The following GABRG3 variants were observed in gnomAD, a reference collection of about 807,000 sequenced individuals.
The protein encoded by GABRG3 is gamma-aminobutyric acid receptor subunit gamma-3.
In GABRG3, 25 loss-of-function variants were observed where a neutral mutation model predicts 48.8. The ratio of observed to expected loss-of-function variants is 0.51; its 90% CI spans 0.37 to 0.72. The LOEUF (loss-of-function observed/expected upper bound fraction) is 0.72, where lower values mean the gene tolerates loss of function less well. Among genes scored for constraint, GABRG3 ranks in the 30% least tolerant of loss-of-function variants. GABRG3 has a pLI of 0.00. For missense variants in GABRG3, 394 were observed against 577.9 expected (o/e 0.68, Z 3.26); for synonymous variants, 227 against 217.6 (o/e 1.04, Z -0.38).
chr15:26,980,681 CAAAAAAAAAAAAAA>C (rs67711680), intron 2 of GABRG3, among the ~76,000 whole-genome samples: 1 of 124,016 alleles, frequency 8.1e-6, no homozygotes. Flanking sequence ...TCCTCTGTCT[CAAAAAAAAAAAAAA>C]AAAAAAAAAA....
chr15:27,520,116 C>T lies in GABRG3; in HGVS notation c.857C>T (p.Thr286Ile). The T allele has an allele frequency of 6.2e-7, 1 of 1,600,752 alleles. No individual in the cohort carries two copies. The highest frequency in any genetic ancestry group is 8.5e-7 in the Non-Finnish European group (1 of 1,173,976). Residue 286 changes from threonine to isoleucine, a missense_variant, in exon 7 of 10, where the codon ACA becomes ATA. By Grantham distance (89) the Thr-to-Ile change is moderately conservative (BLOSUM62 -1). Around this residue, in one of 3 missense-constraint regions of GABRG3, gnomAD observed 50 missense variants for 112.5 expected, o/e 0.44. Transcript: ENST00000615808. ...AAAAAAGATGCTACGCCAGCAAGAA[C>T]AGCATTAGGTGAGTTTCAAAAAATC... ...WIKKDATPAR[T>I]ALGITTVLTM...
At chr15:27,136,045 G>A (rs1423592772) in intron 3 of GABRG3, among the ~76,000 whole-genome samples, 1 of 152,224 alleles carries the variant, frequency 6.6e-6, no homozygotes, top group Admixed American at 6.5e-5. Flanking sequence ...GCTGTGAAGA[G>A]CTGACAGCAC....
At chr15:27,031,846 A>C (rs543424158) in intron 3 of GABRG3, among the ~76,000 whole-genome samples, 3 of 152,308 alleles carry the variant, frequency 2.0e-5, no homozygotes, top group Admixed American at 1.3e-4. Flanking sequence ...TAAGCTCAGG[A>C]AAGTTTAAAA....
intron 2 of GABRG3, among the ~76,000 whole-genome samples, chr15:26,979,164 T>C (rs562821207): frequency 1.3e-5 from 2 of 152,344 alleles, no homozygotes; most frequent in East Asian, 3.9e-4. Context: ...CAATTGATTT[T>C]GGTATGTTGA....
chr15:27,284,508 A>ACT (rs1008397667), intron 3 of GABRG3, among the ~76,000 whole-genome samples: 2 of 152,040 alleles, frequency 1.3e-5, no homozygotes, highest in African/African-American at 4.8e-5. Context: ...TGTCTCACAC[A>ACT]CTCTCTCTCT....
chr15:27,290,003 G>A (rs1335362047), intron 3 of GABRG3, among the ~76,000 whole-genome samples: 1 of 152,074 alleles, frequency 6.6e-6, no homozygotes, highest in South Asian at 2.1e-4. Context: ...CTTGGAGAAA[G>A]AGCTGATTCT....
At chr15:27,480,619 T>C in intron 5 of GABRG3, 31 bp from the exon 6 acceptor site, 1 of 1,553,082 alleles carries the variant, frequency 6.4e-7, no homozygotes, top group Non-Finnish European at 8.8e-7. Context: ...ATGTGTACCT[T>C]CAAGTGCTAA....
At chr15:27,370,980 A>G (rs1325186045) in intron 5 of GABRG3, among the ~76,000 whole-genome samples, 1 of 152,172 alleles carries the variant, frequency 6.6e-6, no homozygotes, top group Non-Finnish European at 1.5e-5. Flanking sequence ...GGTCAAGATA[A>G]TAGGGGAAAA....
At chr15:27,286,292 G>A (rs375209882) in intron 3 of GABRG3, among the ~76,000 whole-genome samples, 1 of 152,162 alleles carries the variant, frequency 6.6e-6, no homozygotes, top group Admixed American at 6.5e-5. Context: ...CTTCTCTCCA[G>A]CATAAAGCAG....
chr15:27,406,501 C>T lies in GABRG3; in HGVS notation c.575-74149C>T, dbSNP rs560271448. Among the ~76,000 whole-genome samples, 6 of 152,258 alleles carry T rather than the reference C, an allele frequency of 3.9e-5. No individual in the cohort carries two copies. In the South Asian group the frequency reaches 1.2e-3, roughly 32 times the overall value. On this transcript the variant is annotated intron_variant, in intron 5 of 9. Transcript: ENST00000615808. ...TGATGTGTTGAGAATAGCAAATCAC[C>T]TCTGTGGTAGCCCCTAAAACACTCA...
chr15:27,178,270 T>A (rs1887810342), intron 3 of GABRG3, among the ~76,000 whole-genome samples: 1 of 152,234 alleles, frequency 6.6e-6, no homozygotes. Flanking sequence ...CCTACCTGGT[T>A]GTCTGACTAG....
intron 5 of GABRG3, among the ~76,000 whole-genome samples, chr15:27,421,322 C>G (rs1459584535): frequency 6.6e-6 from 1 of 152,240 alleles, no homozygotes; most frequent in Non-Finnish European, 1.5e-5. Context: ...CTGTTTCCAT[C>G]ATTCGAAAAC....
chr15:27,371,704 G>C (rs1367070854), intron 5 of GABRG3, among the ~76,000 whole-genome samples: 2 of 152,170 alleles, frequency 1.3e-5, no homozygotes, highest in Non-Finnish European at 2.9e-5. Flanking sequence ...AGGACAAAAG[G>C]ATTAGAAAGG....
chr15:27,077,002 T>G (rs1896921231), intron 3 of GABRG3, among the ~76,000 whole-genome samples: 1 of 152,246 alleles, frequency 6.6e-6, no homozygotes, highest in Middle Eastern at 3.2e-3. Flanking sequence ...TCAGGTGACC[T>G]GCTCCAACCC....
chr15:27,083,527 C>T (rs1018479445), intron 3 of GABRG3, among the ~76,000 whole-genome samples: 4 of 152,000 alleles, frequency 2.6e-5, no homozygotes, highest in Non-Finnish European at 5.9e-5. Flanking sequence ...GAGATTTCAC[C>T]ATGTTGGCCA....
chr15:27,174,063 A>G (rs972458171), intron 3 of GABRG3, among the ~76,000 whole-genome samples: 8 of 152,050 alleles, frequency 5.3e-5, no homozygotes, highest in Non-Finnish European at 7.4e-5. Flanking sequence ...GCTCCTACAT[A>G]CTTGAGAATT....
intron 5 of GABRG3, among the ~76,000 whole-genome samples, chr15:27,440,990 G>A (rs761862029): frequency 2.0e-5 from 3 of 152,136 alleles, no homozygotes; most frequent in Non-Finnish European, 4.4e-5. Context: ...TCATCACAGC[G>A]AGGGATCTCC....
intron 3 of GABRG3, among the ~76,000 whole-genome samples, chr15:27,121,417 C>G (rs1212157260): frequency 6.6e-6 from 1 of 152,212 alleles, no homozygotes; most frequent in Non-Finnish European, 1.5e-5. Flanking sequence ...GCGATACCAC[C>G]CTGGTTCCAT....
At chr15:27,253,140 A>G (rs1371549986) in intron 3 of GABRG3, among the ~76,000 whole-genome samples, 2 of 152,126 alleles carry the variant, frequency 1.3e-5, no homozygotes, top group South Asian at 2.1e-4. Context: ...GGGCTGCTGG[A>G]CCCACTGCTG....
Sources: gnomAD v4.1 joint callset for allele counts (sites outside exome capture counted in the v4.1 genomes callset) on GRCh38, gnomAD v4.1.1 for gene constraint, gnomAD v4.1.1 regional missense constraint, MANE v1.5 for transcripts, NCBI Gene and HGNC (gene_info 2026-07-23, HGNC 2026-07-21) for gene names.